The following FLT1 variants were observed in gnomAD, a reference collection of about 807,000 sequenced individuals.
FLT1 encodes the protein vascular endothelial growth factor receptor 1.
A neutral mutation model predicts 156.3 loss-of-function variants in FLT1; 49 were observed. That is an observed-to-expected ratio of 0.31 (90% CI 0.25 to 0.40). The LOEUF is 0.40. Among genes scored for constraint, FLT1 ranks in the 10% least tolerant of loss-of-function variants. The pLI, the probability that FLT1 is intolerant of heterozygous loss-of-function variation, is 1.00. For synonymous variants in FLT1, 594 were observed against 583.8 expected, an observed-to-expected ratio of 1.02 and a Z score of -0.25; for missense variants, 1,322 against 1,637.2, an observed-to-expected ratio of 0.81 and a Z score of 3.32.
chr13:28,321,335 G>T, intron 23 of FLT1, 128 bp downstream of exon 23: 1 of 1,180,102 alleles, frequency 8.5e-7, no homozygotes, highest in Non-Finnish European at 1.2e-6. Context: ...CATCTGGACT[G>T]TTTGTCTTCA....
chr13:28,490,474 G>A (rs1032085645), intron 1 of FLT1, among the ~76,000 whole-genome samples: 3 of 152,270 alleles, frequency 2.0e-5, no homozygotes, highest in East Asian at 1.9e-4. Context: ...TTCTTTTCAA[G>A]CCCTCCCTCA....
chr13:28,461,366 G>A (rs569705535), intron 3 of FLT1, among the ~76,000 whole-genome samples: 1 of 152,068 alleles, frequency 6.6e-6, no homozygotes, highest in South Asian at 2.1e-4. Flanking sequence ...CCAGTACAGG[G>A]GAAATAGACC....
intron 6 of FLT1, among the ~76,000 whole-genome samples, chr13:28,433,009 T>C (rs1269619136): frequency 6.6e-6 from 1 of 152,220 alleles, no homozygotes; most frequent in Non-Finnish European, 1.5e-5. Flanking sequence ...GAAATGTCGA[T>C]GAAAAACAAC....
intron 1 of FLT1, among the ~76,000 whole-genome samples, chr13:28,473,106 T>C (rs1052712070): frequency 5.3e-5 from 8 of 152,028 alleles, no homozygotes; most frequent in African/African-American, 1.9e-4. Context: ...TAAGAACAAG[T>C]GTTGGTGAGA....
intron 14 of FLT1, chr13:28,368,602 T>C (rs983192801): frequency 1.0e-5 from 14 of 1,346,518 alleles, no homozygotes; most frequent in African/African-American, 2.9e-5. Flanking sequence ...ATGATGACGA[T>C]GATGATGATG....
chr13:28,443,133 C>T (rs1020046995), intron 3 of FLT1, among the ~76,000 whole-genome samples: 3 of 152,204 alleles, frequency 2.0e-5, no homozygotes, highest in Non-Finnish European at 4.4e-5. Flanking sequence ...CCTCACCTCT[C>T]TGAACTCTTA....
chr13:28,353,737 C>G (rs1259594520), intron 15 of FLT1, among the ~76,000 whole-genome samples: 1 of 152,184 alleles, frequency 6.6e-6, no homozygotes, highest in Non-Finnish European at 1.5e-5. Context: ...ACTAACACTT[C>G]TGTTGTCGGT....
intron 17 of FLT1, among the ~76,000 whole-genome samples, chr13:28,338,660 A>G (rs1435283290): frequency 6.6e-6 from 1 of 152,184 alleles, no homozygotes; most frequent in Non-Finnish European, 1.5e-5. Flanking sequence ...GGATTTGTGC[A>G]GAGGGTTTTT....
chr13:28,329,571 C>T, intron 19 of FLT1, 44 bp downstream of exon 19: 2 of 1,359,746 alleles, frequency 1.5e-6, no homozygotes, highest in East Asian at 4.6e-5. Flanking sequence ...GTTCTCCCAG[C>T]CTGTGCAGGG....
chr13:28,444,555 A>G (rs139292204), intron 3 of FLT1, among the ~76,000 whole-genome samples: 4 of 152,356 alleles, frequency 2.6e-5, no homozygotes, highest in African/African-American at 9.6e-5. Flanking sequence ...TTCACCCATC[A>G]CAGCAGGGTA....
chr13:28,428,008 A>C, intron 8 of FLT1, 87 bp from the exon 9 acceptor site: 45 of 1,153,342 alleles, frequency 3.9e-5, no homozygotes, highest in Non-Finnish European at 5.5e-5. Context: ...TTTTGAGCTC[A>C]AGTTGACCAA....
intron 9 of FLT1, 132 bp downstream of exon 9, chr13:28,427,620 G>A (rs1404224243): frequency 1.2e-5 from 10 of 844,934 alleles, no homozygotes; most frequent in East Asian, 7.6e-5. Flanking sequence ...GGAACTTAAC[G>A]TTAAGTGTTT....
At chr13:28,423,167 C>T (rs949160186) in intron 10 of FLT1, among the ~76,000 whole-genome samples, 1 of 152,130 alleles carries the variant, frequency 6.6e-6, no homozygotes, top group Non-Finnish European at 1.5e-5. Context: ...ATCAGCTCCC[C>T]CACATGCCCA....
chr13:28,337,030 G>A (rs1241124221), intron 17 of FLT1, among the ~76,000 whole-genome samples: 2 of 152,094 alleles, frequency 1.3e-5, no homozygotes, highest in African/African-American at 2.4e-5. Context: ...TTACAAGCGT[G>A]AGCCACCACA....
At chr13:28,492,820 T>C (rs1466594380) in intron 1 of FLT1, among the ~76,000 whole-genome samples, 3 of 152,164 alleles carry the variant, frequency 2.0e-5, no homozygotes, top group East Asian at 1.9e-4. Flanking sequence ...AGAGAAACTA[T>C]GAGTTTTCAA....
chr13:28,415,871 C>T (rs1876616815), intron 10 of FLT1, among the ~76,000 whole-genome samples: 1 of 152,212 alleles, frequency 6.6e-6, no homozygotes, highest in Non-Finnish European at 1.5e-5. Flanking sequence ...AATAAACAGT[C>T]AGAGGACCTG....
intron 14 of FLT1, among the ~76,000 whole-genome samples, chr13:28,379,940 T>C (rs1874005695): frequency 6.6e-6 from 1 of 152,128 alleles, no homozygotes; most frequent in Non-Finnish European, 1.5e-5. Flanking sequence ...TCACTTCCTC[T>C]CTAATATTTT....
In FLT1 at chr13:28,349,458, ACATG is replaced by A. The variant is rs1309427234; in HGVS notation, c.2249-3911_2249-3908del. On this transcript the variant is annotated intron_variant, in intron 15 of 29. Transcript: ENST00000282397. The stretch of plus-strand genomic sequence containing the variant: ...CACACACACACACACACACACACAC[ACATG>A]CGCACACGCACACACACACACACGC... Among the ~76,000 whole-genome samples, 176 of 126,626 alleles carry A rather than the reference ACATG, an allele frequency of 1.4e-3. 1 individual carries two copies. Among genetic ancestry groups the A allele is most frequent in the African/African-American group, 4.4e-3 (164 of 37,318 alleles). 83.1% of individuals were successfully genotyped at this position (126,626 alleles called of 152,430 possible).
At position 28,433,759 on chromosome 13, in the gene FLT1, C is replaced by G. The variant is rs61763173; in HGVS notation, c.813+60G>C. On this transcript the variant is annotated intron_variant, in intron 6 of 29. Coordinates refer to ENST00000282397, the MANE Select transcript of FLT1 (RefSeq NM_002019.4). ...GATTTTTCCCATCTCAAAACCCCTGCGGGATTTCACTTGCTTAAAATACTG... is the reference window on the plus strand; with the variant it reads ...GATTTTTCCCATCTCAAAACCCCTGGGGGATTTCACTTGCTTAAAATACTG... 2.6e-6 allele frequency: 4 copies of G among 1,516,434 alleles called. No homozygotes were observed. In the Middle Eastern group the frequency reaches 5.8e-4, roughly 219 times the overall value. 93.9% of individuals were successfully genotyped at this position (1,516,434 alleles called of 1,614,324 possible).
Sources: allele counts gnomAD v4.1 joint callset (sites outside exome capture counted in the v4.1 genomes callset), GRCh38; gene constraint gnomAD v4.1.1; transcripts MANE v1.5; gene names NCBI Gene and HGNC (gene_info 2026-07-23, HGNC 2026-07-21).